The following AGXT variants were observed in gnomAD, a reference collection of about 807,000 sequenced individuals.
The protein encoded by AGXT is L-alanine: glyoxylate aminotransferase 1.
In AGXT, 41 loss-of-function variants were observed where a neutral mutation model predicts 46.9. That is an observed-to-expected ratio of 0.88 (90% confidence interval 0.68 to 1.14). The LOEUF (loss-of-function observed/expected upper bound fraction) is 1.14, where lower values mean the gene tolerates loss of function less well. Ranked by LOEUF, AGXT falls within the 50% of genes most tolerant of loss-of-function variation. The pLI is 0.00. For synonymous variants in AGXT, 244 were observed against 227.9 expected (o/e 1.07, Z -0.64); for missense variants, 525 against 522.7 (o/e 1.00, Z -0.04).
intron 6 of AGXT, among the ~76,000 whole-genome samples, chr2:240,874,764 C>G (rs926117038): frequency 6.6e-6 from 1 of 152,174 alleles, no homozygotes; most frequent in African/African-American, 2.4e-5. Context: ...GGCCAGTGTC[C>G]CCTGGGGCCC....
intron 4 of AGXT, among the ~76,000 whole-genome samples, chr2:240,871,958 G>A (rs901016853): frequency 3.0e-4 from 45 of 152,346 alleles, no homozygotes; most frequent in African/African-American, 1.0e-3. Flanking sequence ...GAAACTCCAC[G>A]GCCAGGGAGG....
chr2:240,872,882 A>T, intron 4 of AGXT, 97 bp from the exon 5 acceptor site: 4 of 1,111,932 alleles, frequency 3.6e-6, no homozygotes, highest in Non-Finnish European at 5.5e-6. Context: ...CTTCCTTGCC[A>T]GCCTGAGGCT....
chr2:240,871,520 G>A, intron 4 of AGXT, 71 bp downstream of exon 4: 4 of 1,375,984 alleles, frequency 2.9e-6, no homozygotes, highest in Non-Finnish European at 4.0e-6. Context: ...GTGGGCACTG[G>A]TCCCTCTGGT....
chr2:240,869,335 C>T lies in AGXT; in HGVS notation c.331C>T (p.Arg111Ter), dbSNP rs180177202. Residue 111 changes from arginine (R) to a stop codon, truncating the protein, a stop_gained, in exon 2 of 11, where the codon CGA (arginine) becomes TGA (stop). Transcript: ENST00000307503. LOFTEE classifies it high-confidence loss of function. ...LVGANGIWGQRAVDIGERIGA... is the reference protein window; with the variant it reads ...LVGANGIWGQ ...TGGGGCCAATGGCATTTGGGGGCAG[C>T]GAGCCGTGGACATCGGGGAGCGCAT... 1.2e-6 allele frequency: 2 copies of T among 1,605,674 alleles called. No homozygotes were observed. Among genetic ancestry groups the T allele is most frequent in the Non-Finnish European group, 1.7e-6 (2 of 1,174,950 alleles).
chr2:240,876,732 G>C (rs1315803583), intron 8 of AGXT, among the ~76,000 whole-genome samples: 2 of 152,228 alleles, frequency 1.3e-5, no homozygotes, highest in African/African-American at 4.8e-5. Flanking sequence ...GGCTGGGTTA[G>C]TGCCAGGGTG....
chr2:240,877,092 C>T, intron 8 of AGXT: 1 of 336,846 alleles, frequency 3.0e-6, no homozygotes, highest in South Asian at 2.4e-5. Flanking sequence ...AGAGACCACC[C>T]CTCACCTGTC....
chr2:240,870,554 C>G, intron 2 of AGXT, 90 bp from the exon 3 acceptor site: 1 of 1,478,518 alleles, frequency 6.8e-7, no homozygotes, highest in Non-Finnish European at 9.2e-7. Flanking sequence ...CCAGCCCTCA[C>G]AGGGCCCTGC....
chr2:240,870,009 C>T (rs568444679), intron 2 of AGXT, among the ~76,000 whole-genome samples: 28 of 152,302 alleles, frequency 1.8e-4, no homozygotes, highest in African/African-American at 6.3e-4. Flanking sequence ...GACCCAGGGT[C>T]GGCAGAGGCC....
intron 1 of AGXT, 31 bp downstream of exon 1, chr2:240,869,061 G>A (rs777115988): frequency 2.5e-6 from 4 of 1,610,770 alleles, no homozygotes; most frequent in Middle Eastern, 1.6e-4. Flanking sequence ...GGGGGCCTGG[G>A]TCTCACCCAT....
rs1451241481 is a variant in AGXT, at chr2:240,870,642, A to G, written c.359-2A>G. 1 of 1,551,746 alleles carries G rather than the reference A, an allele frequency of 6.4e-7. No homozygotes were observed. Among genetic ancestry groups the G allele is most frequent in the Admixed American group, 2.0e-5 (1 of 51,148 alleles). ...TCACGGCCCACTCTGTCCTGCACCC[A>G]GGAGCCCGAGTGCACCCGATGACCA... On this transcript the variant is annotated splice_acceptor_variant, in intron 2 of 10. Transcript: ENST00000307503. LOFTEE classifies it high-confidence loss of function.
At chr2:240,869,462 C>T (rs1575707575) in intron 2 of AGXT, 100 bp downstream of exon 2, 7 of 1,358,394 alleles carry the variant, frequency 5.2e-6, no homozygotes, top group South Asian at 1.5e-5. Context: ...CCTGGGTGAG[C>T]GCTTACCCAC....
chr2:240,871,129 G>A, intron 3 of AGXT: 1 of 613,688 alleles, frequency 1.6e-6, no homozygotes, highest in Non-Finnish European at 2.9e-6. Flanking sequence ...ACAGGCTGGG[G>A]GCACCCTCCT....
chr2:240,877,887 C>T (rs1178217208), intron 9 of AGXT, 135 bp from the exon 10 acceptor site: 4 of 1,275,156 alleles, frequency 3.1e-6, no homozygotes, highest in African/African-American at 3.0e-5. Context: ...GGGGTGGGGT[C>T]CCTGCTCTCT....
Position 240,869,326 on chromosome 2 carries a change from T to C in AGXT, c.322T>C (p.Trp108Arg), listed in dbSNP as rs180177197. The C allele has an allele frequency of 7.5e-6, 12 of 1,609,148 alleles. No individual in the cohort carries two copies. Among genetic ancestry groups the C allele is most frequent in the Non-Finnish European group, 9.3e-6 (11 of 1,176,888 alleles). Residue 108 changes from tryptophan to arginine, a missense_variant, in exon 2 of 11, where the codon TGG becomes CGG. Coordinates refer to ENST00000307503, the MANE Select transcript of AGXT (RefSeq NM_000030.3). The stretch of plus-strand genomic sequence containing the variant: ...CTTCCTGGTTGGGGCCAATGGCATT[T>C]GGGGGCAGCGAGCCGTGGACATCGG... ...DSFLVGANGI[W>R]GQRAVDIGER...
rs373426616 is a variant in AGXT, at chr2:240,869,448, C to A, written c.358+86C>A. On this transcript the variant is annotated intron_variant, in intron 2 of 10. Transcript: ENST00000307503. ...CCCTCTGTTTGAAGCTGGCAGCCCCCGTTCCTGGGTGAGCGCTTACCCACC... is the reference window on the plus strand; with the variant it reads ...CCCTCTGTTTGAAGCTGGCAGCCCCAGTTCCTGGGTGAGCGCTTACCCACC... The A allele has an allele frequency of 1.3e-5, 19 of 1,439,164 alleles. No homozygotes were observed. The African/African-American group carries it at 2.1e-4, about 16-fold the overall frequency. The allele number at this position is 1,439,164 out of a possible 1,614,324, so 89.1% of individuals were successfully genotyped here. A position where few individuals can be genotyped will look rare whatever the true frequency, so the allele number is the denominator to read the frequency against.
chr2:240,873,094 G>C, intron 5 of AGXT, 45 bp downstream of exon 5: 2 of 1,549,296 alleles, frequency 1.3e-6, no homozygotes, highest in Non-Finnish European at 1.8e-6. Context: ...AGCAGCCTTG[G>C]GGCTCCGCGT....
chr2:240,879,125 TG>T lies in AGXT; in HGVS notation c.*308del. 2.0e-6 allele frequency: 1 copy of T among 498,408 alleles called. No homozygotes were observed. The highest frequency in any genetic ancestry group is 3.7e-6 in the Non-Finnish European group (1 of 271,982). The allele number at this position is 498,408 out of a possible 1,614,324, so 30.9% of individuals were successfully genotyped here. A position where few individuals can be genotyped will look rare whatever the true frequency, so the allele number is the denominator to read the frequency against. ...GGCCTGGCCAACTCTCCTCACTGTGTGGGGTGGTCTGTGAAAGAGTGAGAGG... is the reference window on the plus strand; with the variant it reads ...GGCCTGGCCAACTCTCCTCACTGTGTGGGTGGTCTGTGAAAGAGTGAGAGG... On this transcript the variant is annotated 3_prime_UTR_variant, in exon 11 of 11. Coordinates refer to ENST00000307503, the MANE Select transcript of AGXT (RefSeq NM_000030.3).
intron 9 of AGXT, among the ~76,000 whole-genome samples, 153 bp from the exon 10 acceptor site, chr2:240,877,869 C>A (rs1298498135): frequency 6.6e-6 from 1 of 152,206 alleles, no homozygotes; most frequent in Non-Finnish European, 1.5e-5. Context: ...CCATCCACCG[C>A]CTCCTAAGGG....
chr2:240,871,473 G>A (rs552061241), intron 4 of AGXT, 24 bp downstream of exon 4: 2 of 1,553,650 alleles, frequency 1.3e-6, no homozygotes, highest in African/African-American at 2.7e-5. Flanking sequence ...CAGGGCGGTG[G>A]ACTGGAGCAC....
Sources: gnomAD v4.1 joint callset for allele counts (sites outside exome capture counted in the v4.1 genomes callset) on GRCh38, gnomAD v4.1.1 for gene constraint, MANE v1.5 for transcripts, NCBI Gene and HGNC (gene_info 2026-07-23, HGNC 2026-07-21) for gene names.